MARCHF5: variants seen among roughly 807,000 people sequenced by gnomAD.
MARCHF5 encodes the protein E3 ubiquitin-protein ligase MARCHF5.
A neutral mutation model predicts 36.5 loss-of-function variants in MARCHF5; 5 were observed. The observed-to-expected ratio is 0.14, with a 90% CI of 0.07 to 0.29. MARCHF5 has a LOEUF of 0.29. Among genes scored for constraint, MARCHF5 ranks in the 10% least tolerant of loss-of-function variants. The pLI is 1.00. For synonymous variants in MARCHF5, 103 were observed against 109.9 expected, an observed-to-expected ratio of 0.94 and a Z score of 0.39; for missense variants, 179 against 336.3, an observed-to-expected ratio of 0.53 and a Z score of 3.66.
In MARCHF5 at chr10:92,291,432, G is replaced by C. The variant is rs1205171239; in HGVS notation, c.-63G>C. The C allele has an allele frequency of 7.1e-7, 1 of 1,415,412 alleles. No homozygotes were observed. The highest frequency in any genetic ancestry group is 2.0e-5 in the Admixed American group (1 of 50,784). 87.7% of individuals were successfully genotyped at this position (1,415,412 alleles called of 1,614,324 possible). A position where few individuals can be genotyped will look rare whatever the true frequency, so the allele number is the denominator to read the frequency against. On this transcript the variant is annotated 5_prime_UTR_variant, in exon 1 of 6. Transcript: ENST00000358935. ...TACTCCGCCGCCTCTCAGTGCTATT[G>C]TCCCTGGGCCTGGCCTTGAGCGGGT... is the stretch of plus-strand genomic sequence containing the variant.
chr10:92,314,914 C>G (rs535379837), intron 2 of MARCHF5, among the ~76,000 whole-genome samples: 18 of 152,238 alleles, frequency 1.2e-4, no homozygotes, highest in African/African-American at 4.3e-4. Context: ...CTGAAGATAC[C>G]TATTCAAGGG....
At chr10:92,312,096 T>C (rs1843151180) in intron 2 of MARCHF5, among the ~76,000 whole-genome samples, 1 of 152,150 alleles carries the variant, frequency 6.6e-6, no homozygotes, top group Non-Finnish European at 1.5e-5. Context: ...CCAAGAGGTA[T>C]AGGAAGGCAG....
chr10:92,319,392 T>A (rs1237570194), intron 2 of MARCHF5, among the ~76,000 whole-genome samples: 1 of 149,996 alleles, frequency 6.7e-6, no homozygotes, highest in Non-Finnish European at 1.5e-5. Flanking sequence ...GCCTCCCGGG[T>A]TCACGCCATT....
Position 92,314,578 on chromosome 10 carries a change from G to A in MARCHF5, c.238+3241G>A, listed in dbSNP as rs148683801. 8.9e-3 allele frequency among the ~76,000 whole-genome samples: 1,361 copies of A among 152,104 alleles called. 10 individuals carry two copies. The highest frequency in any genetic ancestry group is 0.013 in the Non-Finnish European group (892 of 67,992). ...AATCACGTGAACCTGGGAGGCAGAGGTTGCTGTGAGCCAAGCTCACACCAT... is the reference window on the plus strand; with the variant it reads ...AATCACGTGAACCTGGGAGGCAGAGATTGCTGTGAGCCAAGCTCACACCAT... On this transcript the variant is annotated intron_variant, in intron 2 of 5. Transcript: ENST00000358935.
At chr10:92,350,949 AAAAG>A in intron 5 of MARCHF5, 138 bp from the exon 6 acceptor site, 1 of 608,388 alleles carries the variant, frequency 1.6e-6, no homozygotes, top group Non-Finnish European at 3.0e-6. Context: ...TCCTAGTAGA[AAAAG>A]AAAACTGTTT....
At chr10:92,330,909 G>A (rs771085025) in intron 2 of MARCHF5, among the ~76,000 whole-genome samples, 8 of 152,104 alleles carry the variant, frequency 5.3e-5, no homozygotes, top group Admixed American at 2.0e-4. Context: ...TTTTGTTACA[G>A]CCTAATGAGC....
At chr10:92,311,453 T>C (rs1026284688) in intron 2 of MARCHF5, 116 bp downstream of exon 2, 2 of 673,708 alleles carry the variant, frequency 3.0e-6, no homozygotes, top group African/African-American at 3.6e-5. Flanking sequence ...CTATATTCCC[T>C]TTCTCTTGTT....
chr10:92,331,000 CCTGAAGT>C (rs1381397728), intron 2 of MARCHF5, among the ~76,000 whole-genome samples: 1 of 151,996 alleles, frequency 6.6e-6, no homozygotes, highest in Non-Finnish European at 1.5e-5. Flanking sequence ...GTAATGGTTA[CCTGAAGT>C]TTATAACTCA....
chr10:92,303,408 T>C (rs1843039351), intron 1 of MARCHF5, among the ~76,000 whole-genome samples: 1 of 152,254 alleles, frequency 6.6e-6, no homozygotes, highest in African/African-American at 2.4e-5. Context: ...AATTCTCATC[T>C]GTAGTTATTT....
intron 1 of MARCHF5, among the ~76,000 whole-genome samples, chr10:92,299,318 G>A (rs1324341354): frequency 6.8e-6 from 1 of 146,806 alleles, no homozygotes; most frequent in Non-Finnish European, 1.5e-5. Context: ...TCACGTAAAA[G>A]GATAAAACGT....
intron 3 of MARCHF5, among the ~76,000 whole-genome samples, chr10:92,347,521 GAT>G (rs1564954957): frequency 1.6e-5 from 1 of 64,330 alleles, no homozygotes; most frequent in Non-Finnish European, 3.7e-5. Flanking sequence ...TAGATAGATA[GAT>G]GATAGATATA....
intron 2 of MARCHF5, among the ~76,000 whole-genome samples, chr10:92,339,035 ACT>A (rs1333422023): frequency 7.2e-6 from 1 of 138,166 alleles, no homozygotes; most frequent in Non-Finnish European, 1.6e-5. Flanking sequence ...ACAAAGCAAA[ACT>A]CTGTCTCAAA....
intron 3 of MARCHF5, among the ~76,000 whole-genome samples, chr10:92,346,283 G>A (rs961583964): frequency 2.6e-5 from 4 of 151,998 alleles, no homozygotes; most frequent in African/African-American, 9.7e-5. Flanking sequence ...CACTTGTTTG[G>A]TTTGATTTTC....
chr10:92,291,894 G>T (rs1399575133), intron 1 of MARCHF5, among the ~76,000 whole-genome samples: 1 of 152,090 alleles, frequency 6.6e-6, no homozygotes, highest in Non-Finnish European at 1.5e-5. Flanking sequence ...CAAGAACCGG[G>T]TTATCTTTCA....
At chr10:92,339,657 G>A (rs143226177) in intron 2 of MARCHF5, among the ~76,000 whole-genome samples, 2,600 of 152,078 alleles carry the variant, frequency 0.017, 45 homozygotes, top group Non-Finnish European at 0.022. Context: ...GCGACAGAGC[G>A]AGACTCCATC....
rs939159961 is a variant in MARCHF5 at position 92,291,388 on chromosome 10, C to T, written c.-107C>T. 23 of 1,052,166 alleles carry T rather than the reference C, an allele frequency of 2.2e-5. No homozygotes were observed. The East Asian group carries it at 4.9e-4, about 22-fold the overall frequency. The allele number at this position is 1,052,166 out of a possible 1,614,324, so 65.2% of individuals were successfully genotyped here. On this transcript the variant is annotated 5_prime_UTR_variant, in exon 1 of 6. Coordinates refer to ENST00000358935, the MANE Select transcript of MARCHF5 (RefSeq NM_017824.5). The stretch of plus-strand genomic sequence containing the variant: ...GGGAAGCTGGGTGACGGGTTCGCGG[C>T]TGCCGCCGGACTGCGGCCTACTCCG...
At chr10:92,309,492 G>A (rs148155875) in intron 1 of MARCHF5, among the ~76,000 whole-genome samples, 5 of 152,186 alleles carry the variant, frequency 3.3e-5, no homozygotes, top group East Asian at 3.9e-4. Flanking sequence ...TCTTATTTAC[G>A]TTTGTGTTAA....
chr10:92,353,071 A>G lies in MARCHF5; in HGVS notation c.*1864A>G, dbSNP rs1843736539. ...TGACAGGGAGTAGCTGCTTGGTTTT[A>G]TAGGTATTAGGGCTCATGAAGGCCG... On this transcript the variant is annotated 3_prime_UTR_variant, in exon 6 of 6. Coordinates refer to ENST00000358935, the MANE Select transcript of MARCHF5 (RefSeq NM_017824.5). The G allele has an allele frequency of 6.6e-6, 1 of 152,146 alleles. No individual in the cohort carries two copies. The highest frequency in any genetic ancestry group is 1.5e-5 in the Non-Finnish European group (1 of 68,004). 9.4% of individuals were successfully genotyped at this position (152,146 alleles called of 1,614,324 possible).
chr10:92,327,166 C>T (rs1843372237), intron 2 of MARCHF5, among the ~76,000 whole-genome samples: 1 of 152,046 alleles, frequency 6.6e-6, no homozygotes, highest in Non-Finnish European at 1.5e-5. Flanking sequence ...GGGAAAAAAA[C>T]TTTAACACTT....
Sources: allele counts gnomAD v4.1 joint callset (sites outside exome capture counted in the v4.1 genomes callset), GRCh38; gene constraint gnomAD v4.1.1; transcripts MANE v1.5; gene names NCBI Gene and HGNC (gene_info 2026-07-23, HGNC 2026-07-21).